ENOX1: variants seen among roughly 807,000 people sequenced by gnomAD.
ENOX1 encodes the protein candidate growth-related and time keeping constitutive hydroquinone (NADH) oxidase.
A neutral mutation model predicts 82.5 loss-of-function variants in ENOX1; 42 were observed. That is an observed-to-expected ratio of 0.51 (90% confidence interval 0.40 to 0.66). The LOEUF is 0.66. ENOX1 is among the 30% of genes least tolerant of loss of function. The pLI is 0.00. For synonymous variants in ENOX1, 271 were observed against 282.2 expected, an observed-to-expected ratio of 0.96 and a Z score of 0.40; for missense variants, 608 against 811.6, an observed-to-expected ratio of 0.75 and a Z score of 3.05.
At chr13:43,675,082 A>C (rs2085444854) in intron 1 of ENOX1, among the ~76,000 whole-genome samples, 1 of 152,164 alleles carries the variant, frequency 6.6e-6, no homozygotes, top group South Asian at 2.1e-4. Context: ...GCCACTGAAT[A>C]GTTTCAAGCA....
chr13:43,686,210 G>C (rs186382463), intron 1 of ENOX1, among the ~76,000 whole-genome samples: 1 of 152,210 alleles, frequency 6.6e-6, no homozygotes, highest in East Asian at 1.9e-4. Flanking sequence ...AATATCTTGA[G>C]GTAGACTGGT....
At chr13:43,413,011 G>A in intron 3 of ENOX1, 23 bp from the exon 4 acceptor site, 5 of 1,515,330 alleles carry the variant, frequency 3.3e-6, no homozygotes, top group South Asian at 2.6e-5. Context: ...ACAGAAGTGT[G>A]GTGAGAAACC....
In ENOX1 at chr13:43,408,736, T is replaced by C. The variant is rs550854010; in HGVS notation, c.208+3180A>G. ...AAACAATGTGGTCTTGGAATAAAAA[T>C]AGATAAATCAGTAGTAAAGAATAGA... On this transcript the variant is annotated intron_variant, in intron 5 of 16. Coordinates refer to ENST00000690772, the MANE Select transcript of ENOX1 (RefSeq NM_001347969.2). Among the ~76,000 whole-genome samples, 32 of 152,218 alleles carry C rather than the reference T, an allele frequency of 2.1e-4. 1 individual carries two copies. The Middle Eastern group carries it at 0.01, about 49-fold the overall frequency.
In ENOX1 at chr13:43,536,649, C is replaced by A. The variant is rs546782788; in HGVS notation, c.-218-52497G>T. On this transcript the variant is annotated intron_variant, in intron 2 of 16. Transcript: ENST00000690772. ...AATGATAAAGGAGGCACAGAAGTGT[C>A]TGCATGACAGCCTTCTTCCTTCAAA... 2.0e-5 allele frequency among the ~76,000 whole-genome samples: 3 copies of A among 152,332 alleles called. No homozygotes were observed. In the South Asian group the frequency reaches 6.2e-4, roughly 32 times the overall value.
At chr13:43,620,868 T>C (rs2082695779) in intron 2 of ENOX1, among the ~76,000 whole-genome samples, 1 of 152,194 alleles carries the variant, frequency 6.6e-6, no homozygotes, top group South Asian at 2.1e-4. Context: ...ACTATTATTG[T>C]GTTGTTGTCT....
intron 2 of ENOX1, among the ~76,000 whole-genome samples, chr13:43,525,885 C>A (rs1270278025): frequency 6.6e-6 from 1 of 152,018 alleles, no homozygotes; most frequent in South Asian, 2.1e-4. Context: ...GTATTAACCC[C>A]TTATCAAATA....
chr13:43,671,486 G>A (rs748163364), intron 1 of ENOX1, among the ~76,000 whole-genome samples: 1 of 152,170 alleles, frequency 6.6e-6, no homozygotes, highest in Non-Finnish European at 1.5e-5. Flanking sequence ...AAAAACTACA[G>A]CAGCCTAGAA....
At chr13:43,626,660 A>C (rs1370218761) in intron 2 of ENOX1, among the ~76,000 whole-genome samples, 1 of 151,894 alleles carries the variant, frequency 6.6e-6, no homozygotes, top group Admixed American at 6.6e-5. Flanking sequence ...AACATACTCT[A>C]TACGGTTTCA....
At chr13:43,245,090 C>T (rs2043018218) in intron 14 of ENOX1, among the ~76,000 whole-genome samples, 1 of 152,202 alleles carries the variant, frequency 6.6e-6, no homozygotes, top group Non-Finnish European at 1.5e-5. Flanking sequence ...TATCCCTTCA[C>T]ACTTTCCTTT....
At chr13:43,501,756 TAA>T (rs577237348) in intron 2 of ENOX1, among the ~76,000 whole-genome samples, 187 of 114,990 alleles carry the variant, frequency 1.6e-3, no homozygotes, top group African/African-American at 5.5e-3. Flanking sequence ...AAAGAAATAA[TAA>T]GAGGGAATTT....
chr13:43,249,959 C>A (rs2043357981), intron 14 of ENOX1, among the ~76,000 whole-genome samples: 1 of 152,126 alleles, frequency 6.6e-6, no homozygotes, highest in Non-Finnish European at 1.5e-5. Context: ...CACTGGAGAT[C>A]TTCTGATTAT....
At position 43,292,377 on chromosome 13, in the gene ENOX1, C is replaced by T. The variant is rs541351531; in HGVS notation, c.1446+5969G>A. On this transcript the variant is annotated intron_variant, in intron 12 of 16. Transcript: ENST00000690772. Reference sequence around the variant, plus strand: ...TAGGAAAAAGATGATGGGCATGGAGCGCCCACCTATTAGGTCCATTATCTG... The same window carrying T: ...TAGGAAAAAGATGATGGGCATGGAGTGCCCACCTATTAGGTCCATTATCTG... Among the ~76,000 whole-genome samples, 148 of 152,260 alleles carry T rather than the reference C, an allele frequency of 9.7e-4. 2 individuals carry two copies. The highest frequency in any genetic ancestry group is 3.2e-3 in the African/African-American group (133 of 41,554).
intron 11 of ENOX1, among the ~76,000 whole-genome samples, chr13:43,306,851 A>T (rs1253280969): frequency 2.0e-5 from 3 of 152,186 alleles, no homozygotes; most frequent in Non-Finnish European, 4.4e-5. Flanking sequence ...ACACACAGTT[A>T]TATTAGTATT....
At chr13:43,587,535 C>T (rs1383058502) in intron 2 of ENOX1, among the ~76,000 whole-genome samples, 2 of 152,112 alleles carry the variant, frequency 1.3e-5, no homozygotes, top group Non-Finnish European at 2.9e-5. Context: ...GTGAGAATGG[C>T]TTTTTACCTA....
At chr13:43,462,689 G>C (rs1478498242) in intron 3 of ENOX1, among the ~76,000 whole-genome samples, 1 of 152,186 alleles carries the variant, frequency 6.6e-6, no homozygotes, top group African/African-American at 2.4e-5. Flanking sequence ...TTATGTTTGG[G>C]ATGCCATGTG....
At chr13:43,711,382 C>A (rs963724965) in intron 1 of ENOX1, among the ~76,000 whole-genome samples, 1 of 152,030 alleles carries the variant, frequency 6.6e-6, no homozygotes. Context: ...AATAAACATA[C>A]GTGGGCATGT....
At position 43,298,482 on chromosome 13, in the gene ENOX1, C is replaced by T. The variant is rs1383405577; in HGVS notation, c.1310G>A (p.Arg437His). 14 of 1,613,810 alleles carry T rather than the reference C, an allele frequency of 8.7e-6. No homozygotes were observed. The highest frequency in any genetic ancestry group is 1.7e-5 in the Admixed American group (1 of 60,002). Reference protein sequence around the residue: ...YALKEENDSLRWQLDAYRNEV... With the variant: ...YALKEENDSLHWQLDAYRNEV... ...ATTCCTGTAGGCATCCAGCTGCCAG[C>T]GGAGACTGTCATTCTCCTCTTTCAG... Residue 437 changes from arginine (R) to histidine (H), a missense_variant, in exon 12 of 17, where the codon CGC becomes CAC. Arg to His is a conservative substitution (Grantham distance 29). Transcript: ENST00000690772.
intron 3 of ENOX1, among the ~76,000 whole-genome samples, chr13:43,458,179 C>T (rs2057313112): frequency 6.6e-6 from 1 of 152,138 alleles, no homozygotes. Context: ...TATCTTTGAG[C>T]TTAACAAAAA....
intron 5 of ENOX1, among the ~76,000 whole-genome samples, chr13:43,382,945 A>G (rs1352347157): frequency 6.6e-6 from 1 of 152,204 alleles, no homozygotes; most frequent in Non-Finnish European, 1.5e-5. Flanking sequence ...CAGCAACTTA[A>G]AAGCATCAGA....
Sources: allele counts gnomAD v4.1 joint callset (sites outside exome capture counted in the v4.1 genomes callset), GRCh38; gene constraint gnomAD v4.1.1; transcripts MANE v1.5; gene names NCBI Gene and HGNC (gene_info 2026-07-23, HGNC 2026-07-21).